Variants in SNTG1 observed in about 807,000 individuals in gnomAD.
SNTG1 encodes syntrophin gamma 1.
SNTG1 carries 39 observed loss-of-function variants against 74.7 expected under a neutral mutation model. That is an observed-to-expected ratio of 0.52 (90% CI 0.40 to 0.68). The LOEUF is 0.68. Among genes scored for constraint, SNTG1 ranks in the 30% least tolerant of loss-of-function variants. SNTG1 has a pLI of 0.00. For synonymous variants in SNTG1, 254 were observed against 217.1 expected, an observed-to-expected ratio of 1.17 and a Z score of -1.49; for missense variants, 685 against 609.5, an observed-to-expected ratio of 1.12 and a Z score of -1.30.
chr8:50,259,772 T>C (rs921190548), intron 2 of SNTG1, among the ~76,000 whole-genome samples: 82 of 152,164 alleles, frequency 5.4e-4, no homozygotes, highest in Non-Finnish European at 1.1e-3. Flanking sequence ...TTCAGAAAAC[T>C]GAGACAATAG....
chr8:50,722,110 G>T (rs1167339722), intron 17 of SNTG1, among the ~76,000 whole-genome samples: 2 of 139,124 alleles, frequency 1.4e-5, no homozygotes, highest in East Asian at 2.4e-4. Flanking sequence ...TGATCACATT[G>T]TATGTATGTA....
At position 50,436,390 on chromosome 8, in the gene SNTG1, G is replaced by T. The variant is rs571161863; in HGVS notation, c.163-2153G>T. 2.6e-5 allele frequency among the ~76,000 whole-genome samples: 4 copies of T among 152,140 alleles called. No homozygotes were observed. The East Asian group carries it at 7.7e-4, about 29-fold the overall frequency. ...TCTTCCAGTATTTGAGTTATTCTATGATGTAAATATATTAAAATGACTATT... is the reference window on the plus strand; with the variant it reads ...TCTTCCAGTATTTGAGTTATTCTATTATGTAAATATATTAAAATGACTATT... On this transcript the variant is annotated intron_variant, in intron 4 of 18. Coordinates refer to ENST00000642720, the MANE Select transcript of SNTG1 (RefSeq NM_018967.5).
In SNTG1 at chr8:49,930,202, CA is replaced by C. The variant is rs1451847535; in HGVS notation, c.-103+17972del. On this transcript the variant is annotated intron_variant, in intron 1 of 18. Transcript: ENST00000642720. Reference sequence around the variant, plus strand: ...AGGTTATCAAATTTTGAATTTAAAACATAACAAGAGATAGTATGAGAAAGAC... The same window carrying C: ...AGGTTATCAAATTTTGAATTTAAAACTAACAAGAGATAGTATGAGAAAGAC... 4.5e-4 allele frequency among the ~76,000 whole-genome samples: 69 copies of C among 151,720 alleles called. 1 individual carries two copies. Among genetic ancestry groups the C allele is most frequent in the Middle Eastern group, 3.5e-3 (1 of 288 alleles).
chr8:50,163,083 G>A (rs1012436727), intron 1 of SNTG1, among the ~76,000 whole-genome samples: 30 of 152,142 alleles, frequency 2.0e-4, no homozygotes, highest in Admixed American at 1.1e-3. Flanking sequence ...CAACTGGCTA[G>A]GTCCCAGTTC....
At chr8:50,457,380 A>G (rs1171825812) in intron 8 of SNTG1, among the ~76,000 whole-genome samples, 1 of 152,146 alleles carries the variant, frequency 6.6e-6, no homozygotes, top group African/African-American at 2.4e-5. Context: ...CAAGATCTTA[A>G]TAAGAGGGGA....
At chr8:50,754,727 T>C (rs903761234) in intron 18 of SNTG1, among the ~76,000 whole-genome samples, 3 of 151,892 alleles carry the variant, frequency 2.0e-5, no homozygotes, top group Non-Finnish European at 4.4e-5. Context: ...TTTGCTCTCA[T>C]TTTTAATTTT....
intron 1 of SNTG1, among the ~76,000 whole-genome samples, chr8:49,929,373 C>T (rs1031696590): frequency 8.5e-5 from 13 of 152,164 alleles, no homozygotes; most frequent in African/African-American, 2.4e-4. Context: ...ACTTGCTAGG[C>T]GGAGAAGGCA....
chr8:50,397,397 G>A (rs1587467982), intron 3 of SNTG1, among the ~76,000 whole-genome samples: 2 of 152,304 alleles, frequency 1.3e-5, no homozygotes, highest in East Asian at 1.9e-4. Context: ...AGACTTTGCA[G>A]GTGGGGCTGT....
At chr8:50,675,797 C>T (rs1486277297) in intron 15 of SNTG1, among the ~76,000 whole-genome samples, 1 of 151,846 alleles carries the variant, frequency 6.6e-6, no homozygotes, top group Non-Finnish European at 1.5e-5. Context: ...GGCTGGTACC[C>T]GTTTTTCCTT....
chr8:50,229,355 C>T (rs181378214), intron 2 of SNTG1, among the ~76,000 whole-genome samples: 1 of 151,076 alleles, frequency 6.6e-6, no homozygotes, highest in South Asian at 2.1e-4. Context: ...TATCAGAAAT[C>T]CACTTTAAAT....
At chr8:49,919,057 T>C (rs1806297647) in intron 1 of SNTG1, among the ~76,000 whole-genome samples, 1 of 152,112 alleles carries the variant, frequency 6.6e-6, no homozygotes, top group Admixed American at 6.6e-5. Context: ...TTTGCCTCTT[T>C]CTCTGTTCTC....
chr8:50,392,520 A>T (rs1318964892), intron 2 of SNTG1, among the ~76,000 whole-genome samples: 2 of 152,196 alleles, frequency 1.3e-5, no homozygotes, highest in Non-Finnish European at 2.9e-5. Flanking sequence ...TCAAATAATC[A>T]TCTTGCTTTC....
intron 2 of SNTG1, among the ~76,000 whole-genome samples, chr8:50,330,017 A>T (rs1346051859): frequency 6.6e-6 from 1 of 152,206 alleles, no homozygotes; most frequent in Non-Finnish European, 1.5e-5. Flanking sequence ...AGTTCCGCGT[A>T]TCCATTTGAG....
intron 5 of SNTG1, 43 bp downstream of exon 5, chr8:50,438,642 A>G (rs752670860): frequency 9.7e-5 from 148 of 1,523,158 alleles, no homozygotes; most frequent in Non-Finnish European, 1.3e-4. Flanking sequence ...GCCATGCCAT[A>G]AGAGCTGAAC....
chr8:50,413,398 C>T (rs893670941), intron 4 of SNTG1, among the ~76,000 whole-genome samples: 4 of 152,042 alleles, frequency 2.6e-5, no homozygotes, highest in Admixed American at 1.3e-4. Flanking sequence ...ATTTTCATCC[C>T]TTAGCTCTCA....
At chr8:50,642,467 C>T (rs1004183273) in intron 13 of SNTG1, among the ~76,000 whole-genome samples, 1 of 152,278 alleles carries the variant, frequency 6.6e-6, no homozygotes, top group South Asian at 2.1e-4. Flanking sequence ...AGGATGTGTG[C>T]AACTGAAGGC....
intron 15 of SNTG1, among the ~76,000 whole-genome samples, chr8:50,674,866 C>A (rs537382058): frequency 1.4e-3 from 213 of 151,802 alleles, no homozygotes; most frequent in Non-Finnish European, 2.1e-3. Flanking sequence ...TACATTGCAC[C>A]TTTGTTCTCA....
At chr8:50,164,324 T>C (rs1237894680) in intron 1 of SNTG1, 1 of 152,122 alleles carries the variant, frequency 6.6e-6, no homozygotes, top group East Asian at 1.9e-4. Flanking sequence ...TCTGTTCCAG[T>C]ATCAAATTCT....
At chr8:50,631,263 C>A (rs113825765) in intron 13 of SNTG1, among the ~76,000 whole-genome samples, 4,921 of 152,202 alleles carry the variant, frequency 0.032, 122 homozygotes, top group African/African-American at 0.058. Flanking sequence ...TATAAGCACA[C>A]ACAGAAATCT....
Sources: gnomAD v4.1 joint callset for allele counts (sites outside exome capture counted in the v4.1 genomes callset) on GRCh38, gnomAD v4.1.1 for gene constraint, MANE v1.5 for transcripts, NCBI Gene and HGNC (gene_info 2026-07-23, HGNC 2026-07-21) for gene names.